PAM: variants seen among roughly 807,000 people sequenced by gnomAD.
PAM encodes peptidyl-glycine alpha-amidating monooxygenase.
A neutral mutation model predicts 122.1 loss-of-function variants in PAM; 72 were observed. The observed-to-expected ratio is 0.59, with a 90% confidence interval of 0.49 to 0.72. The LOEUF is 0.72. Among genes scored for constraint, PAM ranks in the 30% least tolerant of loss-of-function variants. The pLI, the probability that PAM is intolerant of heterozygous loss-of-function variation, is 0.00. For missense variants in PAM, 1,106 were observed against 1,183.7 expected (o/e 0.93, Z 0.96); for synonymous variants, 389 against 404.4 (o/e 0.96, Z 0.46).
chr5:102,801,813 C>G (rs1160541348), intron 1 of PAM, among the ~76,000 whole-genome samples: 1 of 123,550 alleles, frequency 8.1e-6, no homozygotes, highest in African/African-American at 3.1e-5. Flanking sequence ...GAGTCTCGCT[C>G]TGTCGCCCAG....
At chr5:102,926,772 T>C (rs907415181) in intron 7 of PAM, 104 bp downstream of exon 7, 1 of 650,146 alleles carries the variant, frequency 1.5e-6, no homozygotes, top group Non-Finnish European at 2.7e-6. Flanking sequence ...GCCCACACCC[T>C]CTGCCCACTA....
chr5:102,823,855 T>G (rs1324541703), intron 1 of PAM, among the ~76,000 whole-genome samples: 2 of 152,176 alleles, frequency 1.3e-5, no homozygotes, highest in African/African-American at 4.8e-5. Context: ...TATATGCAGG[T>G]CACAGAAAGG....
At chr5:102,818,067 C>T (rs561084387) in intron 1 of PAM, among the ~76,000 whole-genome samples, 1 of 146,538 alleles carries the variant, frequency 6.8e-6, no homozygotes, top group Non-Finnish European at 1.5e-5. Context: ...AAAATTATGA[C>T]CTTACCCTGC....
At chr5:103,020,032 G>A (rs548742252) in intron 23 of PAM, among the ~76,000 whole-genome samples, 189 bp downstream of exon 23, 1 of 152,036 alleles carries the variant, frequency 6.6e-6, no homozygotes, top group African/African-American at 2.4e-5. Context: ...GATAAATGGA[G>A]CAGTCATAAT....
At chr5:102,824,250 T>C (rs1413757884) in intron 1 of PAM, among the ~76,000 whole-genome samples, 1 of 152,226 alleles carries the variant, frequency 6.6e-6, no homozygotes, top group Non-Finnish European at 1.5e-5. Flanking sequence ...ATGAGCATAG[T>C]ATACGGAACC....
At chr5:102,985,063 C>T (rs905065220) in intron 15 of PAM, among the ~76,000 whole-genome samples, 2 of 151,574 alleles carry the variant, frequency 1.3e-5, no homozygotes, top group Non-Finnish European at 2.9e-5. Flanking sequence ...GTACCAAGAC[C>T]TATGGAATAT....
chr5:102,928,230 G>A (rs1051694516), intron 7 of PAM, among the ~76,000 whole-genome samples: 1 of 152,112 alleles, frequency 6.6e-6, no homozygotes, highest in Non-Finnish European at 1.5e-5. Flanking sequence ...GCGTTGTAAG[G>A]ACCCCTAACA....
chr5:102,906,508 A>G (rs1799599091), intron 4 of PAM, among the ~76,000 whole-genome samples: 1 of 151,684 alleles, frequency 6.6e-6, no homozygotes, highest in Admixed American at 6.6e-5. Context: ...ACAGTATCAT[A>G]TAGTGGTTAA....
At chr5:102,975,276 G>C (rs1767250943) in intron 15 of PAM, among the ~76,000 whole-genome samples, 1 of 152,168 alleles carries the variant, frequency 6.6e-6, no homozygotes, top group Admixed American at 6.5e-5. Flanking sequence ...GAATGGCACA[G>C]GCTGCCAGCT....
intron 5 of PAM, among the ~76,000 whole-genome samples, chr5:102,922,759 C>A (rs955613728): frequency 1.3e-5 from 2 of 152,116 alleles, no homozygotes; most frequent in African/African-American, 4.8e-5. Flanking sequence ...TGTTTATGAT[C>A]TTTGTTGAAA....
chr5:102,814,220 A>G (rs1768888686), intron 1 of PAM, among the ~76,000 whole-genome samples: 1 of 152,192 alleles, frequency 6.6e-6, no homozygotes, highest in South Asian at 2.1e-4. Flanking sequence ...AAACCTTCCA[A>G]TAAGAAATTT....
chr5:102,991,254 T>C (rs1773982452), intron 16 of PAM, among the ~76,000 whole-genome samples: 1 of 152,148 alleles, frequency 6.6e-6, no homozygotes, highest in African/African-American at 2.4e-5. Context: ...ATTGTAAGCA[T>C]GTTCATGATT....
Position 102,925,011 on chromosome 5 carries a change from G to A in PAM, c.411G>A (p.Ala137=), listed in dbSNP as rs370166108. Residue 137 remains alanine, a synonymous_variant, in exon 6 of 26, where the codon GCG becomes GCA. Coordinates refer to ENST00000438793, the MANE Select transcript of PAM (RefSeq NM_001177306.2). ...TDKANILYAW[A]RNAPPTRLPK... ...AAGCCAATATTCTGTATGCCTGGGC[G>A]AGAAATGCTCCCCCTACCCGGCTCC... 1.0e-5 allele frequency: 16 copies of A among 1,591,172 alleles called. No homozygotes were observed. The highest frequency in any genetic ancestry group is 3.3e-5 in the Admixed American group (2 of 59,980).
intron 1 of PAM, among the ~76,000 whole-genome samples, chr5:102,836,859 CGAGAGAGAGAGAGAGA>C (rs57617414): frequency 1.7e-5 from 2 of 120,826 alleles, no homozygotes; most frequent in Middle Eastern, 4.3e-3. Context: ...AGAAAGAAAC[CGAGAGAGAGAGAGAGA>C]GAGAGAGAGA....
Position 102,890,494 on chromosome 5 carries a change from A to G in PAM, c.211-10862A>G, listed in dbSNP as rs552323549. On this transcript the variant is annotated intron_variant, in intron 3 of 25. Coordinates refer to ENST00000438793, the MANE Select transcript of PAM (RefSeq NM_001177306.2). ...GAAACTTTCCCTCGTAAGCTATTTG[A>G]TCACCTTTAAATACACTTTATGTTG... Among the ~76,000 whole-genome samples the G allele has an allele frequency of 3.9e-5, 6 of 152,026 alleles. No individual in the cohort carries two copies. In the East Asian group the frequency reaches 1.2e-3, roughly 30 times the overall value.
At chr5:102,839,339 G>A (rs1777926155) in intron 1 of PAM, among the ~76,000 whole-genome samples, 1 of 152,038 alleles carries the variant, frequency 6.6e-6, no homozygotes, top group African/African-American at 2.4e-5. Flanking sequence ...CTTTTGAAAT[G>A]CATTTAGAGG....
intron 1 of PAM, among the ~76,000 whole-genome samples, chr5:102,849,911 G>A (rs1353933233): frequency 1.3e-5 from 2 of 152,106 alleles, no homozygotes; most frequent in East Asian, 3.8e-4. Context: ...AGGGAATGCT[G>A]TTTTCATTGT....
chr5:102,983,539 A>G (rs746663354), intron 15 of PAM, among the ~76,000 whole-genome samples: 16 of 152,198 alleles, frequency 1.1e-4, no homozygotes, highest in Middle Eastern at 6.8e-3. Flanking sequence ...GACACTGTAA[A>G]CTGACCAAAT....
At chr5:102,865,377 T>C (rs1454889699) in intron 1 of PAM, 1 of 152,390 alleles carries the variant, frequency 6.6e-6, no homozygotes, top group Non-Finnish European at 1.5e-5. Flanking sequence ...TGGTATCCAG[T>C]GCTTTGTCTT....
Sources: gnomAD v4.1 joint callset for allele counts (sites outside exome capture counted in the v4.1 genomes callset) on GRCh38, gnomAD v4.1.1 for gene constraint, MANE v1.5 for transcripts, NCBI Gene and HGNC (gene_info 2026-07-23, HGNC 2026-07-21) for gene names.